The following CACNA1C variants were observed in gnomAD, a reference collection of about 807,000 sequenced individuals.
The protein encoded by CACNA1C is calcium voltage-gated channel subunit alpha1 C, also known as voltage-dependent L-type calcium channel subunit alpha-1C.
A neutral mutation model predicts 229.0 loss-of-function variants in CACNA1C; 30 were observed. That is an observed-to-expected ratio of 0.13 (90% confidence interval 0.10 to 0.18). The LOEUF (loss-of-function observed/expected upper bound fraction) is 0.18. Ranked by LOEUF, CACNA1C falls within the 10% of genes least tolerant of loss-of-function variation. The pLI is 1.00. For missense variants in CACNA1C, 1,658 were observed against 2,845.0 expected (o/e 0.58, Z 9.49); for synonymous variants, 1,114 against 1,132.5 (o/e 0.98, Z 0.33).
At chr12:2,471,727 G>C (rs2099594001) in intron 5 of CACNA1C, among the ~76,000 whole-genome samples, 1 of 151,958 alleles carries the variant, frequency 6.6e-6, no homozygotes, top group Non-Finnish European at 1.5e-5. Flanking sequence ...CTGTCGCCCA[G>C]ACTGGAGTGC....
intron 1 of CACNA1C, among the ~76,000 whole-genome samples, chr12:2,039,400 T>A (rs556595904): frequency 1.3e-5 from 2 of 152,324 alleles, no homozygotes; most frequent in African/African-American, 4.8e-5. Context: ...GTAATATGCC[T>A]GAAATTGCAC....
Position 2,486,180 on chromosome 12 carries a change from C to A in CACNA1C, c.834C>A (p.Val278=). The change falls in exon 6 of 47, where the codon GTC becomes GTA. Residue 278 remains valine, a synonymous_variant. Transcript: ENST00000399655. This position sits in a 1 kb window ranked among gnomAD's most constrained non-coding sequence, Gnocchi z 4.9. ...LLHIALLVLF[V]IIIYAIIGLE... ...ACATCGCCCTGCTTGTGCTGTTTGT[C>A]ATCATCATCTACGCCATCATCGGCT... The A allele has an allele frequency of 2.5e-6, 4 of 1,613,716 alleles. No individual in the cohort carries two copies. Among genetic ancestry groups the A allele is most frequent in the Non-Finnish European group, 3.4e-6 (4 of 1,179,736 alleles).
At chr12:2,688,873 AATTCATTGCAGTC>A in intron 46 of CACNA1C, 94 bp downstream of exon 46, 1 of 1,018,862 alleles carries the variant, frequency 9.8e-7, no homozygotes, top group Middle Eastern at 2.9e-4. Context: ...GCTCTTGCCA[AATTCATTGCAGTC>A]AATATCTGAG....
At chr12:2,688,320 T>G (rs2097631482) in intron 45 of CACNA1C, 127 bp from the exon 46 acceptor site, 2 of 795,222 alleles carry the variant, frequency 2.5e-6, no homozygotes, top group Non-Finnish European at 4.2e-6. Context: ...AATAATGGCA[T>G]GGGAATACCA....
At chr12:2,511,892 T>C (rs1032893998) in intron 8 of CACNA1C, among the ~76,000 whole-genome samples, 1 of 152,240 alleles carries the variant, frequency 6.6e-6, no homozygotes, top group Non-Finnish European at 1.5e-5. Context: ...TACTCATTAT[T>C]ACTTTAAATC....
chr12:2,230,986 C>T (rs2064935012), intron 3 of CACNA1C, among the ~76,000 whole-genome samples: 2 of 152,180 alleles, frequency 1.3e-5, no homozygotes, highest in African/African-American at 4.8e-5. Flanking sequence ...CTCTTAATTT[C>T]TTATTTGCCA....
intron 3 of CACNA1C, among the ~76,000 whole-genome samples, chr12:2,231,247 A>G (rs751241993): frequency 5.9e-5 from 9 of 152,210 alleles, no homozygotes; most frequent in Non-Finnish European, 1.2e-4. Context: ...TATATTCACC[A>G]TAGTATCTAA....
chr12:2,227,770 A>G (rs1251002314), intron 3 of CACNA1C, among the ~76,000 whole-genome samples: 1 of 152,228 alleles, frequency 6.6e-6, no homozygotes, highest in Non-Finnish European at 1.5e-5. Flanking sequence ...TCATTTCTCT[A>G]AAACTAAAGT....
intron 3 of CACNA1C, among the ~76,000 whole-genome samples, chr12:2,187,103 C>T (rs2097055308): frequency 6.6e-6 from 1 of 152,200 alleles, no homozygotes; most frequent in African/African-American, 2.4e-5. Flanking sequence ...CGTTATCTTA[C>T]ATTTGTGTAC....
At chr12:2,313,874 A>G (rs149917862) in intron 3 of CACNA1C, among the ~76,000 whole-genome samples, 42 of 152,344 alleles carry the variant, frequency 2.8e-4, no homozygotes, top group East Asian at 9.6e-4. Flanking sequence ...GAGATGATCT[A>G]TCGCCTCCCT....
At chr12:2,309,164 A>T (rs1232719088) in intron 3 of CACNA1C, among the ~76,000 whole-genome samples, 1 of 152,248 alleles carries the variant, frequency 6.6e-6, no homozygotes, top group African/African-American at 2.4e-5. Flanking sequence ...AGTCTTAAAA[A>T]AGAAGGAAAT....
Position 2,498,043 on chromosome 12 carries a change from C to A in CACNA1C, c.1113+4657C>A, listed in dbSNP as rs112737728. 7.6e-3 allele frequency among the ~76,000 whole-genome samples: 1,156 copies of A among 151,682 alleles called. 10 individuals are homozygous for A. Among genetic ancestry groups the A allele is most frequent in the African/African-American group, 0.025 (1,020 of 41,336 alleles). ...CTTGGTATTGGTGCTGCTGAAATAT[C>A]CCTCGTTTATGACAAAGACCTTTTG... On this transcript the variant is annotated intron_variant, in intron 7 of 46. Transcript: ENST00000399655.
chr12:2,115,439 C>T lies in CACNA1C; in HGVS notation c.265C>T (p.Pro89Ser). The T allele has an allele frequency of 6.2e-7, 1 of 1,613,086 alleles. No individual in the cohort carries two copies. Among genetic ancestry groups the T allele is most frequent in the Non-Finnish European group, 8.5e-7 (1 of 1,179,870 alleles). The change falls in exon 2 of 47, where the codon CCC (proline) becomes TCC (serine). Residue 89 changes from proline to serine, a missense_variant. Pro to Ser is a moderately conservative substitution (Grantham distance 74). Coordinates refer to ENST00000399655, the MANE Select transcript of CACNA1C (RefSeq NM_000719.7). ...GCGGAAGCGGCAGCAATATGGGAAACCCAAGAAGCAGGGCAGCACCACGGC... is the reference window on the plus strand; with the variant it reads ...GCGGAAGCGGCAGCAATATGGGAAATCCAAGAAGCAGGGCAGCACCACGGC... ...TQRKRQQYGK[P>S]KKQGSTTATR...
intron 3 of CACNA1C, among the ~76,000 whole-genome samples, chr12:2,153,885 T>G (rs985118062): frequency 1.3e-5 from 2 of 152,232 alleles, no homozygotes. Context: ...TCAGAGAAGC[T>G]GAATAATCAC....
In CACNA1C at chr12:2,097,381, T is replaced by C. The variant is rs573935766; in HGVS notation, c.50-17843T>C. On this transcript the variant is annotated intron_variant, in intron 1 of 46. Coordinates refer to ENST00000399655, the MANE Select transcript of CACNA1C (RefSeq NM_000719.7). The stretch of plus-strand genomic sequence containing the variant: ...CAGGATAGTCTCGATCTCCTGACCT[T>C]GTGATCCGCCCGCCTCGACCTCCCA... 4.9e-3 allele frequency among the ~76,000 whole-genome samples: 742 copies of C among 152,026 alleles called. 4 individuals are homozygous for C. The highest frequency in any genetic ancestry group is 0.016 in the South Asian group (79 of 4,818).
chr12:2,240,428 G>T (rs1389538487), intron 3 of CACNA1C, among the ~76,000 whole-genome samples: 1 of 152,210 alleles, frequency 6.6e-6, no homozygotes, highest in Non-Finnish European at 1.5e-5. Flanking sequence ...GTTGGGGTCT[G>T]TGATGTGTGA....
intron 10 of CACNA1C, chr12:2,550,631 G>A (rs767540718): frequency 2.2e-6 from 3 of 1,350,820 alleles, no homozygotes; most frequent in Non-Finnish European, 2.9e-6. Context: ...TGGAAGAACT[G>A]CAAACAGAGG....
rs574058562 is a variant in CACNA1C at position 2,561,370 on chromosome 12, T to A, written c.1508+4393T>A. ...CCTGCTGTGACTGCTCACTTAGTGG[T>A]CTGTGTCTCCGTGTAGCTTTTACGC... is the stretch of plus-strand genomic sequence containing the variant. On this transcript the variant is annotated intron_variant, in intron 11 of 46. Transcript: ENST00000399655. Among the ~76,000 whole-genome samples, 3 of 152,342 alleles carry A rather than the reference T, an allele frequency of 2.0e-5. No individual in the cohort carries two copies. In the South Asian group the frequency reaches 6.2e-4, roughly 32 times the overall value.
intron 3 of CACNA1C, among the ~76,000 whole-genome samples, chr12:2,355,205 G>C (rs1324811616): frequency 6.6e-6 from 1 of 152,214 alleles, no homozygotes; most frequent in African/African-American, 2.4e-5. Flanking sequence ...TTAAGACCAA[G>C]AGTGGATTAA....
Sources: allele counts gnomAD v4.1 joint callset (sites outside exome capture counted in the v4.1 genomes callset), GRCh38; gene constraint gnomAD v4.1.1; non-coding constraint Gnocchi (gnomAD v3.1); transcripts MANE v1.5; gene names NCBI Gene and HGNC (gene_info 2026-07-23, HGNC 2026-07-21).